PVT1: variants seen among roughly 807,000 people sequenced by gnomAD.
PVT1 encodes the protein CXCR4/PVT1 fusion.
chr8:128,092,329 C>T (rs1046734551), intron 5 of PVT1, among the ~76,000 whole-genome samples: 1 of 151,976 alleles, frequency 6.6e-6, no homozygotes, highest in East Asian at 1.9e-4. Context: ...CTCCCTGAAG[C>T]TCTTCCCTTC....
chr8:127,814,927 T>A (rs1253397700), intron 2 of PVT1, among the ~76,000 whole-genome samples: 1 of 152,220 alleles, frequency 6.6e-6, no homozygotes, highest in Non-Finnish European at 1.5e-5. Context: ...GTATTCATCC[T>A]TTTGTGACTG....
At chr8:127,931,927 C>T (rs1191787188) in intron 3 of PVT1, among the ~76,000 whole-genome samples, 5 of 152,266 alleles carry the variant, frequency 3.3e-5, no homozygotes, top group African/African-American at 9.6e-5. Flanking sequence ...GCCACTTCCT[C>T]GCTTGGCGCT....
Position 127,809,005 on chromosome 8 carries a change from G to A in PVT1, n.372+12934G>A, listed in dbSNP as rs192213741. Reference sequence around the variant, plus strand: ...AGATTGAGCCATTGTATTCCAGCCTGGGCAACAAAGTGAGATTCCATCTCA... The same window carrying A: ...AGATTGAGCCATTGTATTCCAGCCTAGGCAACAAAGTGAGATTCCATCTCA... On this transcript the variant is annotated intron_variant and non_coding_transcript_variant, in intron 2 of 10. Coordinates refer to ENST00000651587, the Ensembl canonical transcript of PVT1. Among the ~76,000 whole-genome samples the A allele has an allele frequency of 1.3e-3, 159 of 117,810 alleles. 1 individual carries two copies. Among genetic ancestry groups the A allele is most frequent in the African/African-American group, 5.4e-3 (153 of 28,188 alleles). The allele number at this position is 117,810 out of a possible 152,430, so 77.3% of individuals were successfully genotyped here.
At chr8:127,918,015 T>G (rs1290083829) in intron 3 of PVT1, among the ~76,000 whole-genome samples, 3 of 152,218 alleles carry the variant, frequency 2.0e-5, no homozygotes, top group Admixed American at 2.0e-4. Flanking sequence ...AAAGACTGCG[T>G]GTAAGAGTGG....
At chr8:127,802,298 C>T (rs1013644637) in intron 2 of PVT1, among the ~76,000 whole-genome samples, 10 of 152,210 alleles carry the variant, frequency 6.6e-5, no homozygotes, top group East Asian at 3.9e-4. Flanking sequence ...ATTATAGCCT[C>T]GACCTCCCAG....
At chr8:127,821,690 T>C (rs1043651131) in intron 2 of PVT1, among the ~76,000 whole-genome samples, 1 of 151,984 alleles carries the variant, frequency 6.6e-6, no homozygotes, top group Admixed American at 6.6e-5. Flanking sequence ...TGGGCGCCTG[T>C]AGTCCCAGCT....
intron 4 of PVT1, among the ~76,000 whole-genome samples, chr8:128,063,176 C>T (rs1280397935): frequency 6.6e-6 from 1 of 152,148 alleles, no homozygotes; most frequent in Non-Finnish European, 1.5e-5. Flanking sequence ...AGTTTGATGA[C>T]TTCTTATTGC....
intron 2 of PVT1, among the ~76,000 whole-genome samples, chr8:127,813,110 T>C (rs1368186565): frequency 6.7e-6 from 1 of 149,544 alleles, no homozygotes; most frequent in African/African-American, 2.4e-5. Flanking sequence ...TTTTCCTGTA[T>C]TAATTCATGT....
chr8:127,960,555 C>A (rs2129944263), intron 3 of PVT1: 1 of 380,472 alleles, frequency 2.6e-6, no homozygotes, highest in Non-Finnish European at 5.5e-6. Flanking sequence ...GAGATAGGAT[C>A]TTTGTGGCCT....
chr8:128,068,771 C>T (rs1204297442), intron 4 of PVT1, among the ~76,000 whole-genome samples: 2 of 152,318 alleles, frequency 1.3e-5, no homozygotes, highest in East Asian at 1.9e-4. Flanking sequence ...GGATTACAGG[C>T]GTGAGCCACT....
At chr8:127,972,679 C>T (rs909777275) in intron 3 of PVT1, among the ~76,000 whole-genome samples, 5 of 151,978 alleles carry the variant, frequency 3.3e-5, no homozygotes, top group African/African-American at 1.2e-4. Context: ...GCAGAGGTTG[C>T]AGTAAGCCGA....
intron 3 of PVT1, among the ~76,000 whole-genome samples, chr8:127,945,154 C>T (rs1358190537): frequency 1.3e-5 from 2 of 152,154 alleles, no homozygotes; most frequent in Non-Finnish European, 2.9e-5. Flanking sequence ...GTTAACCATT[C>T]CCCTGTTGAG....
intron 2 of PVT1, among the ~76,000 whole-genome samples, chr8:127,889,756 A>G (rs1177688804): frequency 6.6e-6 from 1 of 152,148 alleles, no homozygotes; most frequent in Admixed American, 6.5e-5. Flanking sequence ...TTGTTCCTCC[A>G]CTGCTTCATC....
chr8:127,985,627 C>A (rs1816961216), intron 3 of PVT1, among the ~76,000 whole-genome samples: 1 of 152,094 alleles, frequency 6.6e-6, no homozygotes, highest in Non-Finnish European at 1.5e-5. Context: ...GGGGGCCAGG[C>A]TCTGCTGACT....
intron 3 of PVT1, among the ~76,000 whole-genome samples, chr8:127,966,947 G>C (rs1449181719): frequency 1.3e-5 from 2 of 152,206 alleles, no homozygotes; most frequent in Non-Finnish European, 2.9e-5. Flanking sequence ...GTATCCCAGA[G>C]CTATGGCTAG....
At chr8:128,052,968 A>G (rs1213110335) in intron 4 of PVT1, among the ~76,000 whole-genome samples, 2 of 152,242 alleles carry the variant, frequency 1.3e-5, no homozygotes, top group Non-Finnish European at 2.9e-5. Flanking sequence ...GTATCTAACC[A>G]CTCTGCCAGA....
chr8:127,822,229 A>C (rs542365100), intron 2 of PVT1, among the ~76,000 whole-genome samples: 1 of 152,226 alleles, frequency 6.6e-6, no homozygotes, highest in Non-Finnish European at 1.5e-5. Context: ...ACCTGAGGAC[A>C]CAAGGATGGA....
At chr8:127,998,890 C>A (rs945577138) in intron 4 of PVT1, among the ~76,000 whole-genome samples, 3 of 143,510 alleles carry the variant, frequency 2.1e-5, no homozygotes, top group Admixed American at 7.0e-5. Context: ...TTTGGTGCAT[C>A]CATACTTTCT....
intron 2 of PVT1, among the ~76,000 whole-genome samples, chr8:127,802,306 C>T (rs1814474168): frequency 6.6e-6 from 1 of 152,130 alleles, no homozygotes; most frequent in Non-Finnish European, 1.5e-5. Flanking sequence ...CTCGACCTCC[C>T]AGGCTCAGGT....
Sources: gnomAD v4.1 joint callset for allele counts (sites outside exome capture counted in the v4.1 genomes callset) on GRCh38, gnomAD v4.1.1 for gene constraint, MANE v1.5 for transcripts, NCBI Gene and HGNC (gene_info 2026-07-23, HGNC 2026-07-21) for gene names.